RUNDC3A: variants seen among roughly 807,000 people sequenced by gnomAD.
The protein encoded by RUNDC3A is RUN domain containing 3A.
In RUNDC3A, 28 loss-of-function variants were observed where a neutral mutation model predicts 53.9. The ratio of observed to expected loss-of-function variants is 0.52; its 90% CI spans 0.38 to 0.71. The LOEUF is 0.71. Ranked by LOEUF, RUNDC3A falls within the 30% of genes least tolerant of loss-of-function variation. The pLI, the probability that RUNDC3A is intolerant of heterozygous loss-of-function variation, is 0.00. For synonymous variants in RUNDC3A, 232 were observed against 249.4 expected (o/e 0.93, Z 0.66); for missense variants, 491 against 597.3 (o/e 0.82, Z 1.85).
chr17:44,314,841 G>A lies in RUNDC3A; in HGVS notation c.548+17G>A, dbSNP rs755984183. On this transcript the variant is annotated intron_variant, in intron 5 of 10. Transcript: ENST00000426726. ...CGACTTCAGGTGGGGTCTGCCTGACGGCAGTGGTGGAGGGGGCTGTTTCCC... is the reference window on the plus strand; with the variant it reads ...CGACTTCAGGTGGGGTCTGCCTGACAGCAGTGGTGGAGGGGGCTGTTTCCC... The A allele has an allele frequency of 5.0e-6, 8 of 1,613,954 alleles. No individual in the cohort carries two copies. In the Admixed American group the frequency reaches 1.0e-4, roughly 20 times the overall value.
At chr17:44,317,194 T>C in intron 10 of RUNDC3A, 1 of 544,896 alleles carries the variant, frequency 1.8e-6, no homozygotes, top group Non-Finnish European at 3.3e-6. Context: ...GAGCTTACTT[T>C]GAGGTGGCAG....
intron 4 of RUNDC3A, chr17:44,314,153 A>G: frequency 1.0e-6 from 1 of 992,778 alleles, no homozygotes; most frequent in Non-Finnish European, 1.2e-6. Flanking sequence ...TCTCCAAACA[A>G]CGAAAGCAGT....
At chr17:44,313,322 GC>G in intron 3 of RUNDC3A, 70 bp downstream of exon 3, 2 of 1,606,766 alleles carry the variant, frequency 1.2e-6, no homozygotes, top group East Asian at 2.2e-5. Flanking sequence ...CTTGGTTTTT[GC>G]CCCCTGTGCA....
Position 44,312,579 on chromosome 17 carries a change from G to T in RUNDC3A, c.108-1G>T, listed in dbSNP as rs866840312. The T allele has an allele frequency of 6.4e-7, 1 of 1,557,324 alleles. No homozygotes were observed. Reference sequence around the variant, plus strand: ...CCCCATCTCCCCACCTCGCCGCCCAGGTTCTCTGTGAAAACGCTGCTGGAG... The same window carrying T: ...CCCCATCTCCCCACCTCGCCGCCCATGTTCTCTGTGAAAACGCTGCTGGAG... On this transcript the variant is annotated splice_acceptor_variant, in intron 1 of 10. Transcript: ENST00000426726. LOFTEE classifies it high-confidence loss of function.
In RUNDC3A at chr17:44,314,986, G is replaced by T. The variant is rs747809244; in HGVS notation, c.606G>T (p.Thr202=). Residue 202 remains threonine (T), a synonymous_variant, in exon 6 of 11, where the codon ACG becomes ACT. Coordinates refer to ENST00000426726, the MANE Select transcript of RUNDC3A (RefSeq NM_001144825.2). The part of the protein sequence containing the change: ...DGKTPVVIDY[T]PYLKFTQSYD... Reference sequence around the variant, plus strand: ...AGACCCCCGTGGTCATCGATTACACGCCCTACCTAAAGTTCACGCAGAGGT... The same window carrying T: ...AGACCCCCGTGGTCATCGATTACACTCCCTACCTAAAGTTCACGCAGAGGT... 5 of 1,613,816 alleles carry T rather than the reference G, an allele frequency of 3.1e-6. No individual in the cohort carries two copies.
chr17:44,317,731 T>A (rs538286117), intron 10 of RUNDC3A: 4 of 616,326 alleles, frequency 6.5e-6, no homozygotes, highest in African/African-American at 3.7e-5. Flanking sequence ...ATTGTCTGTG[T>A]GTCTGTCTCC....
Position 44,315,564 on chromosome 17 carries a change from A to G in RUNDC3A, c.908A>G (p.Glu303Gly), listed in dbSNP as rs1598329811. ...GAGGCGGCGGCGCAGAACCAGCGCG[A>G]GAAACGGGAGCTGGAAGGCGTGATC... is the stretch of plus-strand genomic sequence containing the variant. ...LEEAAAQNQR[E>G]KRELEGVILE... The change falls in exon 8 of 11, where the codon GAG becomes GGG. Residue 303 changes from glutamate (E) to glycine (G), a missense_variant. By Grantham distance (98) the Glu-to-Gly change is moderately conservative. Coordinates refer to ENST00000426726, the MANE Select transcript of RUNDC3A (RefSeq NM_001144825.2). The surrounding 1 kb of genome is among the most constrained non-coding windows in gnomAD (Gnocchi z 6.1). 6.6e-7 allele frequency: 1 copy of G among 1,513,416 alleles called. No homozygotes were observed. The highest frequency in any genetic ancestry group is 2.8e-5 in the East Asian group (1 of 35,866). The allele number at this position is 1,513,416 out of a possible 1,614,324, so 93.7% of individuals were successfully genotyped here. A position where few individuals can be genotyped will look rare whatever the true frequency, so the allele number is the denominator to read the frequency against.
At chr17:44,309,848 C>T (rs547268381) in intron 1 of RUNDC3A, 334 of 152,840 alleles carry the variant, frequency 2.2e-3, no homozygotes, top group Middle Eastern at 3.4e-3. Context: ...CCACATAGGC[C>T]TCAGCTCTGC....
Position 44,315,081 on chromosome 17 carries a change from C to T in RUNDC3A, c.629+72C>T. 1.9e-6 allele frequency: 3 copies of T among 1,608,802 alleles called. No homozygotes were observed. Among genetic ancestry groups the T allele is most frequent in the Non-Finnish European group, 1.7e-6 (2 of 1,177,726 alleles). ...ACATCCTGGGGACGTCCTGGTCCCA[C>T]CGCCCTCAGCGGCCAGCGCAGACGC... On this transcript the variant is annotated intron_variant, in intron 6 of 10. Transcript: ENST00000426726. The surrounding 1 kb of genome is among the most constrained non-coding windows in gnomAD (Gnocchi z 6.1).
chr17:44,317,669 CTTT>C (rs969384036), intron 10 of RUNDC3A: 17 of 663,554 alleles, frequency 2.6e-5, no homozygotes, highest in African/African-American at 1.2e-4. Flanking sequence ...CCTAGATCTT[CTTT>C]GAGACAAGGC....
chr17:44,310,652 G>A, intron 1 of RUNDC3A: 21 of 975,366 alleles, frequency 2.2e-5, no homozygotes, highest in South Asian at 4.7e-5. Flanking sequence ...GGCTCCCCTG[G>A]GCCCTGGCCT....
At chr17:44,308,985 G>T in intron 1 of RUNDC3A, 46 bp downstream of exon 1, 1 of 1,316,592 alleles carries the variant, frequency 7.6e-7, no homozygotes, top group Non-Finnish European at 1.1e-6. Context: ...AGGGAGAGGG[G>T]TTGGGGTGGA....
chr17:44,308,999 C>A, intron 1 of RUNDC3A, 60 bp downstream of exon 1: 1 of 1,186,202 alleles, frequency 8.4e-7, no homozygotes, highest in South Asian at 1.4e-5. Flanking sequence ...GGGTGGACTG[C>A]GGAAACCCGG....
chr17:44,310,952 A>G, intron 1 of RUNDC3A: 1 of 985,550 alleles, frequency 1.0e-6, no homozygotes, highest in Non-Finnish European at 1.2e-6. Context: ...ATCCCTGCCC[A>G]GCGGCCCTAG....
intron 4 of RUNDC3A, chr17:44,314,199 A>G (rs1263279792): frequency 1.0e-6 from 1 of 997,750 alleles, no homozygotes; most frequent in Non-Finnish European, 1.2e-6. Flanking sequence ...GAGTCCTTAT[A>G]TGGGGAGTTC....
intron 4 of RUNDC3A, chr17:44,314,067 A>G: frequency 1.0e-6 from 1 of 991,628 alleles, no homozygotes; most frequent in South Asian, 4.6e-5. Context: ...ACCCTTGCAC[A>G]CCTCTGGATG....
At chr17:44,309,577 G>A (rs2047710256) in intron 1 of RUNDC3A, among the ~76,000 whole-genome samples, 1 of 152,046 alleles carries the variant, frequency 6.6e-6, no homozygotes, top group African/African-American at 2.4e-5. Flanking sequence ...GATTCTCCGT[G>A]ATTGCGGGGC....
intron 10 of RUNDC3A, chr17:44,317,678 A>G (rs1349937447): frequency 1.5e-6 from 1 of 653,630 alleles, no homozygotes; most frequent in Non-Finnish European, 2.8e-6. Context: ...TCTTTGAGAC[A>G]AGGCAGGCTG....
chr17:44,318,592 A>C lies in RUNDC3A; in HGVS notation c.*354A>C. The C allele has an allele frequency of 3.8e-6, 1 of 266,224 alleles. No individual in the cohort carries two copies. The highest frequency in any genetic ancestry group is 7.9e-5 in the East Asian group (1 of 12,682). 16.5% of individuals were successfully genotyped at this position (266,224 alleles called of 1,614,324 possible). A position where few individuals can be genotyped will look rare whatever the true frequency, so the allele number is the denominator to read the frequency against. On this transcript the variant is annotated 3_prime_UTR_variant, in exon 11 of 11. Transcript: ENST00000426726. Reference sequence around the variant, plus strand: ...CCACCTCCCAGTCTCTAGCCTCTCCATCTGTCTGTGTATGGCCTGGAGTCA... The same window carrying C: ...CCACCTCCCAGTCTCTAGCCTCTCCCTCTGTCTGTGTATGGCCTGGAGTCA...
Sources: gnomAD v4.1 joint callset for allele counts (sites outside exome capture counted in the v4.1 genomes callset) on GRCh38, gnomAD v4.1.1 for gene constraint, Gnocchi (gnomAD v3.1) non-coding constraint, MANE v1.5 for transcripts, NCBI Gene and HGNC (gene_info 2026-07-23, HGNC 2026-07-21) for gene names.